The following VIPR1 variants were observed in gnomAD, a reference collection of about 807,000 sequenced individuals.
VIPR1 encodes vasoactive intestinal peptide receptor 1, also known as vasoactive intestinal polypeptide receptor 1.
VIPR1 carries 59 observed loss-of-function variants against 58.8 expected under a neutral mutation model. That is an observed-to-expected ratio of 1.00 (90% CI 0.81 to 1.25). VIPR1 has a LOEUF of 1.25. VIPR1 is among the 50% of genes most tolerant of loss of function. The pLI is 0.00. For missense variants in VIPR1, 626 were observed against 602.7 expected (o/e 1.04, Z -0.40); for synonymous variants, 251 against 242.1 (o/e 1.04, Z -0.34).
At chr3:42,504,000 C>T (rs984320965) in intron 1 of VIPR1, among the ~76,000 whole-genome samples, 2 of 152,192 alleles carry the variant, frequency 1.3e-5, no homozygotes, top group Non-Finnish European at 2.9e-5. Flanking sequence ...AAGCTCATTG[C>T]CTGTCCTAGG....
chr3:42,526,812 G>A (rs1400753638), intron 4 of VIPR1, among the ~76,000 whole-genome samples: 2 of 152,124 alleles, frequency 1.3e-5, no homozygotes, highest in South Asian at 2.1e-4. Flanking sequence ...ATCAGGAGAG[G>A]GGACCAAGCG....
intron 11 of VIPR1, 45 bp downstream of exon 11, chr3:42,535,149 G>A (rs767015616): frequency 6.2e-7 from 1 of 1,613,318 alleles, no homozygotes; most frequent in Non-Finnish European, 8.5e-7. Flanking sequence ...TGGCTTTTAA[G>A]GGAATTCAAC....
intron 10 of VIPR1, chr3:42,534,767 G>A: frequency 3.6e-6 from 2 of 560,826 alleles, no homozygotes; most frequent in Middle Eastern, 5.1e-4. Flanking sequence ...CTCCAGGCCA[G>A]GAGGGCTGGG....
rs76319896 is a variant in VIPR1, at chr3:42,504,658, G to T, written c.78+1845G>T. The stretch of plus-strand genomic sequence containing the variant: ...GGGTGAGGGCAGGCTGGAGTGAGGG[G>T]TCCCTATTTCCCTCCCTGATTCTCC... On this transcript the variant is annotated intron_variant, in intron 1 of 12. Coordinates refer to ENST00000325123, the MANE Select transcript of VIPR1 (RefSeq NM_004624.4). 1.6e-4 allele frequency among the ~76,000 whole-genome samples: 24 copies of T among 149,944 alleles called. No individual in the cohort carries two copies. The East Asian group carries it at 4.6e-3, about 29-fold the overall frequency.
chr3:42,506,902 CTTTTTTT>C (rs1205430705), intron 1 of VIPR1: 1 of 151,850 alleles, frequency 6.6e-6, no homozygotes, highest in Non-Finnish European at 1.5e-5. Context: ...TAAATTTTTA[CTTTTTTT>C]GTGAAAATTT....
At chr3:42,531,753 T>G in intron 8 of VIPR1, 50 bp from the exon 9 acceptor site, 1 of 1,611,860 alleles carries the variant, frequency 6.2e-7, no homozygotes, top group Non-Finnish European at 8.5e-7. Context: ...CTGCTGAGTC[T>G]CTCTCTGGCT....
rs1169082355 is a variant in VIPR1 at position 42,528,035 on chromosome 3, T to C, written c.548T>C (p.Ile183Thr). Reference protein sequence around the residue: ...TRNYIHMHLFISFILRAAAVF... With the variant: ...TRNYIHMHLFTSFILRAAAVF... ...AACTACATCCACATGCACCTCTTCATATCCTTCATCCTGAGGGCTGCCGCT... is the reference window on the plus strand; with the variant it reads ...AACTACATCCACATGCACCTCTTCACATCCTTCATCCTGAGGGCTGCCGCT... Residue 183 changes from isoleucine to threonine, a missense_variant, in exon 6 of 13, where the codon ATA (isoleucine) becomes ACA (threonine). Coordinates refer to ENST00000325123, the MANE Select transcript of VIPR1 (RefSeq NM_004624.4). The C allele has an allele frequency of 1.2e-6, 2 of 1,613,960 alleles. No homozygotes were observed. Among genetic ancestry groups the C allele is most frequent in the Non-Finnish European group, 8.5e-7 (1 of 1,179,958 alleles).
At position 42,525,981 on chromosome 3, in the gene VIPR1, G is replaced by C; in HGVS notation, c.387G>C (p.Ala129=). 1.2e-6 allele frequency: 2 copies of C among 1,611,766 alleles called. No individual in the cohort carries two copies. The highest frequency in any genetic ancestry group is 1.7e-4 in the Middle Eastern group (1 of 6,056). The change falls in exon 4 of 13, where the codon GCG becomes GCC. Residue 129 remains alanine (A), a synonymous_variant. Transcript: ENST00000325123. ...CCTGTGGTTTGGATGACAAGGCAGC[G>C]AGTTTGGATGAGGTGGGTCTCAGGG... ...PIACGLDDKA[A]SLDEQQTMFY...
At chr3:42,495,335 A>T (rs1216227662) in intron 1 of VIPR1, among the ~76,000 whole-genome samples, 1 of 152,040 alleles carries the variant, frequency 6.6e-6, no homozygotes, top group Non-Finnish European at 1.5e-5. Flanking sequence ...GTTAGCCAGG[A>T]TGGTTTCCAT....
At chr3:42,535,500 T>C (rs1701796227) in intron 12 of VIPR1, 116 bp downstream of exon 12, 3 of 1,177,762 alleles carry the variant, frequency 2.5e-6, no homozygotes, top group Admixed American at 1.8e-5. Context: ...GCTCCAAGTA[T>C]GGTCCTCAAA....
At chr3:42,499,868 G>A (rs990978130), upstream of VIPR1, among the ~76,000 whole-genome samples, 39 of 152,190 alleles carry the variant, frequency 2.6e-4, no homozygotes, top group African/African-American at 8.9e-4. Context: ...CCAAGAGTGG[G>A]CCCACGGTTG....
At chr3:42,519,457 C>A in intron 3 of VIPR1, 127 bp downstream of exon 3, 2 of 669,652 alleles carry the variant, frequency 3.0e-6, no homozygotes, top group South Asian at 4.9e-5. Context: ...GACTCCCTGG[C>A]AGAGGAGGCA....
intron 1 of VIPR1, among the ~76,000 whole-genome samples, chr3:42,505,033 C>G (rs1700053384): frequency 1.3e-5 from 2 of 151,974 alleles, no homozygotes; most frequent in Non-Finnish European, 2.9e-5. Context: ...GACTCCTCAT[C>G]CAGAAGCAGA....
At chr3:42,512,885 C>T (rs1329331943) in intron 1 of VIPR1, 1 of 985,396 alleles carries the variant, frequency 1.0e-6, no homozygotes, top group Non-Finnish European at 1.2e-6. Context: ...CTAAGAGTTC[C>T]CAAGACCTGT....
chr3:42,512,076 C>T (rs961433363), intron 1 of VIPR1: 3 of 152,230 alleles, frequency 2.0e-5, no homozygotes, highest in Admixed American at 6.5e-5. Flanking sequence ...GTCTTTACCC[C>T]CATTGGCTGG....
Position 42,519,450 on chromosome 3 carries a change from T to C in VIPR1, c.292+120T>C, listed in dbSNP as rs368846874. 20 of 759,008 alleles carry C rather than the reference T, an allele frequency of 2.6e-5. No individual in the cohort carries two copies. In the African/African-American group the frequency reaches 3.3e-4, roughly 12 times the overall value. 47.0% of individuals were successfully genotyped at this position (759,008 alleles called of 1,614,324 possible). A position where few individuals can be genotyped will look rare whatever the true frequency, so the allele number is the denominator to read the frequency against. On this transcript the variant is annotated intron_variant, in intron 3 of 12. Coordinates refer to ENST00000325123, the MANE Select transcript of VIPR1 (RefSeq NM_004624.4). ...AAGAGGCTGGAGCAATCCGAGGGAC[T>C]CCCTGGCAGAGGAGGCAATGGTGCT...
At position 42,536,793 on chromosome 3, in the gene VIPR1, A is replaced by G. The variant is rs1701872999; in HGVS notation, c.*512A>G. ...CATTACCACTCAGGCATTTGACTGA[A>G]GATGCAGCTCACTACCCTATTCTCT... is the stretch of plus-strand genomic sequence containing the variant. On this transcript the variant is annotated 3_prime_UTR_variant, in exon 13 of 13. Coordinates refer to ENST00000325123, the MANE Select transcript of VIPR1 (RefSeq NM_004624.4). 1 of 153,334 alleles carries G rather than the reference A, an allele frequency of 6.5e-6. No homozygotes were observed. Among genetic ancestry groups the G allele is most frequent in the African/African-American group, 2.4e-5 (1 of 41,524 alleles). The allele number at this position is 153,334 out of a possible 1,614,324, so 9.5% of individuals were successfully genotyped here.
chr3:42,498,253 A>G (rs750408795), upstream of VIPR1, among the ~76,000 whole-genome samples: 3 of 152,230 alleles, frequency 2.0e-5, no homozygotes, highest in Non-Finnish European at 2.9e-5. Context: ...CAATAGGTCT[A>G]TGACTGGGCC....
At chr3:42,495,944 C>T (rs1325372714) in intron 1 of VIPR1, among the ~76,000 whole-genome samples, 1 of 151,752 alleles carries the variant, frequency 6.6e-6, no homozygotes, top group Admixed American at 6.6e-5. Context: ...AAGCAGAAGA[C>T]CCAGCTAACC....
Sources: allele counts gnomAD v4.1 joint callset (sites outside exome capture counted in the v4.1 genomes callset), GRCh38; gene constraint gnomAD v4.1.1; transcripts MANE v1.5; gene names NCBI Gene and HGNC (gene_info 2026-07-23, HGNC 2026-07-21).